Variants in RASL10A observed in about 807,000 individuals in gnomAD.
The protein encoded by RASL10A is ras-like protein family member 10A.
A neutral mutation model predicts 17.3 loss-of-function variants in RASL10A; 13 were observed. That is an observed-to-expected ratio of 0.75 (90% CI 0.49 to 1.20). RASL10A has a LOEUF of 1.20. RASL10A is among the 50% of genes most tolerant of loss of function. The pLI is 0.00. For missense variants in RASL10A, 307 were observed against 310.3 expected (o/e 0.99, Z 0.08); for synonymous variants, 159 against 142.2 (o/e 1.12, Z -0.84).
At chr22:29,319,177 G>C (rs557860859), upstream of RASL10A, 3 of 152,528 alleles carry the variant, frequency 2.0e-5, no homozygotes, top group East Asian at 5.8e-4. Context: ...CATCCCTGAA[G>C]TCAGGCACCC....
Position 29,313,183 on chromosome 22 carries a change from C to T in RASL10A, c.*118G>A. ...AGACTGGGTTGGAGCTTTCCTCATC[C>T]AATCAGGGCGGAGACTTCCCTGTCC... On this transcript the variant is annotated 3_prime_UTR_variant, in exon 3 of 3. Coordinates refer to ENST00000216101, the MANE Select transcript of RASL10A (RefSeq NM_006477.5). The T allele has an allele frequency of 7.7e-7, 1 of 1,305,066 alleles. No homozygotes were observed. Among genetic ancestry groups the T allele is most frequent in the South Asian group, 1.7e-5 (1 of 57,440 alleles). 80.8% of individuals were successfully genotyped at this position (1,305,066 alleles called of 1,614,324 possible). A position where few individuals can be genotyped will look rare whatever the true frequency, so the allele number is the denominator to read the frequency against.
intron 2 of RASL10A, 95 bp downstream of exon 2, chr22:29,313,768 G>GC (rs1174371258): frequency 6.5e-7 from 1 of 1,549,034 alleles, no homozygotes; most frequent in African/African-American, 1.4e-5. Flanking sequence ...CTAAGACCCG[G>GC]CCCACGACGT....
chr22:29,313,876 T>C lies in RASL10A; in HGVS notation c.331A>G (p.Ile111Val). Residue 111 changes from isoleucine (I) to valine (V), a missense_variant, in exon 2 of 3, where the codon ATC becomes GTC. Physicochemically the swap from Ile to Val is conservative, Grantham distance 29 (BLOSUM62 3). Coordinates refer to ENST00000216101, the MANE Select transcript of RASL10A (RefSeq NM_006477.5). Reference sequence around the variant, plus strand: ...CCGGGCCCCTACCTGGTCTCCGCGATGCGCTGCCGCAGGGCCTTCACGTAG... The same window carrying C: ...CCGGGCCCCTACCTGGTCTCCGCGACGCGCTGCCGCAGGGCCTTCACGTAG... ...FDYVKALRQR[I>V]AETRPAGAPE... is the part of the protein sequence containing the mutation. 6.2e-7 allele frequency: 1 copy of C among 1,613,678 alleles called. No homozygotes were observed. Among genetic ancestry groups the C allele is most frequent in the Non-Finnish European group, 8.5e-7 (1 of 1,180,022 alleles).
At position 29,315,440 on chromosome 22, in the gene RASL10A, A is replaced by C. The variant is rs1335081246; in HGVS notation, c.-194T>G. ...GAGCTGGCGGCGGGAGGGCAGACAG[A>C]CAGCCGAGTGGGCAGACAGGTGGCG... On this transcript the variant is annotated 5_prime_UTR_variant, in exon 1 of 3. Transcript: ENST00000216101. This position sits in a 1 kb window ranked among gnomAD's most constrained non-coding sequence, Gnocchi z 5.5. 2.3e-5 allele frequency: 7 copies of C among 303,634 alleles called. No homozygotes were observed. Among genetic ancestry groups the C allele is most frequent in the African/African-American group, 1.3e-4 (6 of 45,100 alleles). The allele number at this position is 303,634 out of a possible 1,614,324, so 18.8% of individuals were successfully genotyped here.
At chr22:29,315,726 G>C (rs967302569), upstream of RASL10A, 1 of 152,136 alleles carries the variant, frequency 6.6e-6, no homozygotes, top group Non-Finnish European at 1.5e-5. The surrounding 1 kb of genome is among the most constrained non-coding windows in gnomAD (Gnocchi z 5.5). Context: ...GCGAGCGAGC[G>C]GGGCCTCCCG....
In RASL10A at chr22:29,313,235, T is replaced by A. The variant is rs1274816617; in HGVS notation, c.*66A>T. The A allele has an allele frequency of 4.9e-6, 7 of 1,434,048 alleles. No homozygotes were observed. The Admixed American group carries it at 2.0e-4, about 41-fold the overall frequency. The allele number at this position is 1,434,048 out of a possible 1,614,324, so 88.8% of individuals were successfully genotyped here. A position where few individuals can be genotyped will look rare whatever the true frequency, so the allele number is the denominator to read the frequency against. On this transcript the variant is annotated 3_prime_UTR_variant, in exon 3 of 3. Coordinates refer to ENST00000216101, the MANE Select transcript of RASL10A (RefSeq NM_006477.5). ...GTCCCAGTGAAGTTGGGCGATCCCG[T>A]CCAATCCAGGTCCCTGATTGTCCCA...
chr22:29,313,417 G>T lies in RASL10A; in HGVS notation c.496C>A (p.His166Asn), dbSNP rs1441048707. ...AGCTCGCGGAAGAGACGCAGCACGTGCCAGTTGTACTTGGCGGAGCACTCG... is the reference window on the plus strand; with the variant it reads ...AGCTCGCGGAAGAGACGCAGCACGTTCCAGTTGTACTTGGCGGAGCACTCG... ...YLECSAKYNW[H>N]VLRLFRELLR... Residue 166 changes from histidine to asparagine, a missense_variant, in exon 3 of 3, where the codon CAC becomes AAC. Transcript: ENST00000216101. 5 of 1,541,756 alleles carry T rather than the reference G, an allele frequency of 3.2e-6. No individual in the cohort carries two copies. Among genetic ancestry groups the T allele is most frequent in the Non-Finnish European group, 3.5e-6 (4 of 1,146,690 alleles).
upstream of RASL10A, chr22:29,316,821 A>C (rs1204398121): frequency 6.6e-6 from 1 of 152,234 alleles, no homozygotes; most frequent in East Asian, 1.9e-4. Context: ...AGGCTGAGAT[A>C]GATTTAAAAA....
In RASL10A at chr22:29,315,227, ACCCGCAGGCTACC is replaced by A; in HGVS notation, c.7_19del (p.Gly3TrpfsTer4). 6.6e-7 allele frequency: 1 copy of A among 1,512,444 alleles called. No homozygotes were observed. The highest frequency in any genetic ancestry group is 8.8e-7 in the Non-Finnish European group (1 of 1,138,348). 93.7% of individuals were successfully genotyped at this position (1,512,444 alleles called of 1,614,324 possible). ...CACGCCCGGGGCGCCTAGAACGGCC[ACCCGCAGGCTACC>A]CCCCATGGCCGGCCGGCGCTGTCGC... On this transcript the variant is annotated frameshift_variant, in exon 1 of 3. Transcript: ENST00000216101. LOFTEE classifies it high-confidence loss of function. This position sits in a 1 kb window ranked among gnomAD's most constrained non-coding sequence, Gnocchi z 5.5.
intron 1 of RASL10A, among the ~76,000 whole-genome samples, chr22:29,314,563 GC>G (rs2061441518): frequency 6.6e-6 from 1 of 152,074 alleles, no homozygotes. Context: ...CCTTTACTTT[GC>G]ACAAATTACT....
At chr22:29,316,277 TCCTA>T (rs2061453855), upstream of RASL10A, among the ~76,000 whole-genome samples, 1 of 152,104 alleles carries the variant, frequency 6.6e-6, no homozygotes. Flanking sequence ...TTGAAGTCCC[TCCTA>T]CCTTCCTCCT....
chr22:29,315,075 G>A lies in RASL10A; in HGVS notation c.172C>T (p.Arg58Cys). 6.6e-7 allele frequency: 1 copy of A among 1,522,044 alleles called. No individual in the cohort carries two copies. The highest frequency in any genetic ancestry group is 8.8e-7 in the Non-Finnish European group (1 of 1,138,614). 94.3% of individuals were successfully genotyped at this position (1,522,044 alleles called of 1,614,324 possible). ...CCGGGGCCAGCGACGTCGCCGTCGC[G>A]GATGCTCAAGTCGTAGACGGCGCCG... is the stretch of plus-strand genomic sequence containing the variant. Reference protein sequence around the residue: ...LDGAVYDLSIRDGDVAGPGSS... With the variant: ...LDGAVYDLSICDGDVAGPGSS... Residue 58 changes from arginine to cysteine, a missense_variant, in exon 1 of 3, where the codon CGC becomes TGC. Transcript: ENST00000216101. This position sits in a 1 kb window ranked among gnomAD's most constrained non-coding sequence, Gnocchi z 5.5.
At chr22:29,314,079 C>T (rs543042063) in intron 1 of RASL10A, 92 bp from the exon 2 acceptor site, 2 of 1,533,874 alleles carry the variant, frequency 1.3e-6, no homozygotes, top group African/African-American at 2.7e-5. Flanking sequence ...ATCCTCAGGC[C>T]AACATCACCC....
Position 29,315,178 on chromosome 22 carries a change from C to A in RASL10A, c.69G>T (p.Gln23His). 6.5e-7 allele frequency: 1 copy of A among 1,541,634 alleles called. No homozygotes were observed. Among genetic ancestry groups the A allele is most frequent in the Non-Finnish European group, 8.7e-7 (1 of 1,150,970 alleles). Residue 23 changes from glutamine (Q) to histidine (H), a missense_variant, in exon 1 of 3, where the codon CAG becomes CAT. Gln to His is a conservative substitution (Grantham distance 24). Coordinates refer to ENST00000216101, the MANE Select transcript of RASL10A (RefSeq NM_006477.5). This position sits in a 1 kb window ranked among gnomAD's most constrained non-coding sequence, Gnocchi z 5.5. Reference protein sequence around the residue: ...PGVGKTAIIRQFLFGDYPERH... With the variant: ...PGVGKTAIIRHFLFGDYPERH... ...GCTCGGGGTAGTCACCGAACAGGAA[C>A]TGGCGGATGATGGCCGTCTTGCCCA...
chr22:29,318,708 C>G (rs2061464097), upstream of RASL10A, among the ~76,000 whole-genome samples: 2 of 152,212 alleles, frequency 1.3e-5, no homozygotes, highest in African/African-American at 4.8e-5. Flanking sequence ...CTCCTGCCTG[C>G]TGCCCCCCTC....
At chr22:29,316,228 A>C (rs1158159040), upstream of RASL10A, among the ~76,000 whole-genome samples, 2 of 152,216 alleles carry the variant, frequency 1.3e-5, no homozygotes, top group African/African-American at 4.8e-5. Flanking sequence ...GGGAATCTGC[A>C]AGGTTAGAAG....
At position 29,315,075 on chromosome 22, in the gene RASL10A, G is replaced by T. The variant is rs751122219; in HGVS notation, c.172C>A (p.Arg58Ser). ...CCGGGGCCAGCGACGTCGCCGTCGC[G>T]GATGCTCAAGTCGTAGACGGCGCCG... The part of the protein sequence containing the change: ...LDGAVYDLSI[R>S]DGDVAGPGSS... The change falls in exon 1 of 3, where the codon CGC becomes AGC. Residue 58 changes from arginine (R) to serine (S), a missense_variant. Coordinates refer to ENST00000216101, the MANE Select transcript of RASL10A (RefSeq NM_006477.5). The surrounding 1 kb of genome is among the most constrained non-coding windows in gnomAD (Gnocchi z 5.5). 2 of 1,522,044 alleles carry T rather than the reference G, an allele frequency of 1.3e-6. No individual in the cohort carries two copies. The highest frequency in any genetic ancestry group is 1.8e-6 in the Non-Finnish European group (2 of 1,138,614). The allele number at this position is 1,522,044 out of a possible 1,614,324, so 94.3% of individuals were successfully genotyped here.
In RASL10A at chr22:29,313,129, G is replaced by A. The variant is rs1024821529; in HGVS notation, c.*172C>T. 33 of 885,246 alleles carry A rather than the reference G, an allele frequency of 3.7e-5. No individual in the cohort carries two copies. The Middle Eastern group carries it at 1.5e-3, about 39-fold the overall frequency. 54.8% of individuals were successfully genotyped at this position (885,246 alleles called of 1,614,324 possible). On this transcript the variant is annotated 3_prime_UTR_variant, in exon 3 of 3. Transcript: ENST00000216101. Reference sequence around the variant, plus strand: ...AGCTTGGGACCTGGTTGGGTCCAATGAGGTTCAAAAGGGGGCCAGTCGCTT... The same window carrying A: ...AGCTTGGGACCTGGTTGGGTCCAATAAGGTTCAAAAGGGGGCCAGTCGCTT...
chr22:29,313,280 G>A lies in RASL10A; in HGVS notation c.*21C>T, dbSNP rs986454821. 1 of 1,472,724 alleles carries A rather than the reference G, an allele frequency of 6.8e-7. No homozygotes were observed. Among genetic ancestry groups the A allele is most frequent in the Non-Finnish European group, 9.0e-7 (1 of 1,108,676 alleles). 91.2% of individuals were successfully genotyped at this position (1,472,724 alleles called of 1,614,324 possible). On this transcript the variant is annotated 3_prime_UTR_variant, in exon 3 of 3. Transcript: ENST00000216101. ...GTCCCAGTCACAAGGTGGGGCCCAT[G>A]GATGGCACTGTCCGATCGGGTCACA...
Sources: allele counts gnomAD v4.1 joint callset (sites outside exome capture counted in the v4.1 genomes callset), GRCh38; gene constraint gnomAD v4.1.1; non-coding constraint Gnocchi (gnomAD v3.1); transcripts MANE v1.5; gene names NCBI Gene and HGNC (gene_info 2026-07-23, HGNC 2026-07-21).